SAE1: variants seen among roughly 807,000 people sequenced by gnomAD.
The protein encoded by SAE1 is SUMO-activating enzyme subunit 1.
SAE1 carries 11 observed loss-of-function variants against 40.6 expected under a neutral mutation model. The observed-to-expected ratio is 0.27, with a 90% CI of 0.17 to 0.45. The LOEUF is 0.45. Ranked by LOEUF, SAE1 falls within the 20% of genes least tolerant of loss-of-function variation. The probability of loss-of-function intolerance (pLI) is 1.00; values close to 1 mark genes in which losing one functional copy is unlikely to be tolerated. For synonymous variants in SAE1, 155 were observed against 154.3 expected (o/e 1.00, Z -0.03); for missense variants, 373 against 427.3 (o/e 0.87, Z 1.12).
chr19:47,180,245 A>G (rs1465385962), intron 6 of SAE1: 2 of 456,170 alleles, frequency 4.4e-6, no homozygotes, highest in African/African-American at 4.0e-5. Context: ...CTCACTAAAG[A>G]GAAACCAGGG....
intron 1 of SAE1, among the ~76,000 whole-genome samples, chr19:47,133,010 T>C (rs1015731667): frequency 2.0e-5 from 3 of 152,158 alleles, no homozygotes; most frequent in African/African-American, 7.2e-5. Flanking sequence ...ACATTGAGCC[T>C]CAGACTTATA....
rs751407578 is a variant in SAE1 at position 47,197,416 on chromosome 19, T to TA, written c.878+42dup. On this transcript the variant is annotated intron_variant, in intron 7 of 8. Coordinates refer to ENST00000270225, the MANE Select transcript of SAE1 (RefSeq NM_005500.3). Reference sequence around the variant, plus strand: ...TTTATCACTGTTTAGTCTGGACAGATAAAGTTTGTTTTCAGGATTTGCCTT... The same window carrying TA: ...TTTATCACTGTTTAGTCTGGACAGATAAAAGTTTGTTTTCAGGATTTGCCTT... The TA allele has an allele frequency of 7.1e-6, 11 of 1,559,268 alleles. No individual in the cohort carries two copies. In the African/African-American group the frequency reaches 1.5e-4, roughly 22 times the overall value.
chr19:47,140,574 C>G (rs2058214936), intron 1 of SAE1, among the ~76,000 whole-genome samples: 1 of 151,474 alleles, frequency 6.6e-6, no homozygotes, highest in Admixed American at 6.6e-5. Context: ...ATTGCTTGAG[C>G]CCAGGAGCTG....
rs76540167 is a variant in SAE1 at position 47,189,794 on chromosome 19, C to T, written c.734-7439C>T. 4.0e-3 allele frequency among the ~76,000 whole-genome samples: 603 copies of T among 152,256 alleles called. 6 individuals are homozygous for T. Among genetic ancestry groups the T allele is most frequent in the African/African-American group, 0.014 (569 of 41,540 alleles). ...TGACAGTGACTTTATTTTCTTCCTA[C>T]TAAAGTACTGGTTTATTCGGTGGCC... On this transcript the variant is annotated intron_variant, in intron 6 of 8. Coordinates refer to ENST00000270225, the MANE Select transcript of SAE1 (RefSeq NM_005500.3).
intron 1 of SAE1, among the ~76,000 whole-genome samples, chr19:47,134,455 G>T (rs1209422730): frequency 6.6e-6 from 1 of 152,056 alleles, no homozygotes; most frequent in African/African-American, 2.4e-5. Context: ...AGGGTTGAAG[G>T]CACCTGGAAT....
At position 47,155,134 on chromosome 19, in the gene SAE1, A is replaced by G. The variant is rs1428885530; in HGVS notation, c.548A>G (p.Lys183Arg). 3.7e-6 allele frequency: 6 copies of G among 1,613,268 alleles called. No individual in the cohort carries two copies. In the African/African-American group the frequency reaches 4.0e-5, roughly 11 times the overall value. Residue 183 changes from lysine to arginine, a missense_variant, in exon 5 of 9, where the codon AAA becomes AGA. By Grantham distance (26) the Lys-to-Arg change is conservative (BLOSUM62 2). Coordinates refer to ENST00000270225, the MANE Select transcript of SAE1 (RefSeq NM_005500.3). Reference protein sequence around the residue: ...EFVEEKTKVAKVSQGVEDGPD... With the variant: ...EFVEEKTKVARVSQGVEDGPD... ...TCTAGGGAGAAAACTAAAGTTGCCA[A>G]AGTTAGCCAAGGAGTAGAAGATGGG...
At chr19:47,131,881 A>G (rs921764815) in intron 1 of SAE1, among the ~76,000 whole-genome samples, 3 of 151,254 alleles carry the variant, frequency 2.0e-5, no homozygotes, top group African/African-American at 4.9e-5. Context: ...TTGTATTTTT[A>G]GTAGACACGG....
intron 6 of SAE1, among the ~76,000 whole-genome samples, chr19:47,181,601 C>G (rs1212944483): frequency 6.7e-6 from 1 of 149,804 alleles, no homozygotes; most frequent in Non-Finnish European, 1.5e-5. Context: ...GCCTCCCCCT[C>G]CCAGGTAGCT....
chr19:47,200,319 A>G (rs1193822970), intron 7 of SAE1, among the ~76,000 whole-genome samples: 2 of 145,140 alleles, frequency 1.4e-5, no homozygotes, highest in Non-Finnish European at 3.0e-5. Flanking sequence ...TGCAGCATCA[A>G]CCTCCTGGGC....
In SAE1 at chr19:47,166,862, G is replaced by A. The variant is rs143320735; in HGVS notation, c.628-2956G>A. ...CCATTGACCAAAAGATTTGAGGGCA[G>A]TGAAAACATCTTGTATACTATCTTT... On this transcript the variant is annotated intron_variant, in intron 5 of 8. Coordinates refer to ENST00000270225, the MANE Select transcript of SAE1 (RefSeq NM_005500.3). Among the ~76,000 whole-genome samples the A allele has an allele frequency of 6.6e-5, 10 of 152,288 alleles. No homozygotes were observed. In the East Asian group the frequency reaches 1.9e-3, roughly 29 times the overall value.
chr19:47,188,279 A>G (rs1450996223), intron 6 of SAE1, among the ~76,000 whole-genome samples: 1 of 151,952 alleles, frequency 6.6e-6, no homozygotes, highest in East Asian at 1.9e-4. Flanking sequence ...TGAGTTCAGG[A>G]GGTCCAGGCA....
At chr19:47,139,586 CTTT>C (rs71179299) in intron 1 of SAE1, among the ~76,000 whole-genome samples, 5 of 122,784 alleles carry the variant, frequency 4.1e-5, no homozygotes, top group Admixed American at 8.7e-5. Context: ...GAATGTGTAT[CTTT>C]TTTTTTTTTT....
chr19:47,130,899 G>GTT lies in SAE1; in HGVS notation c.-32_-31insTT. ...GTCCGGCGGGCGGTTGGCTTGAGCG[G>GTT]GACCGGAGCTGAGGCAGGAAGAGCC... is the stretch of plus-strand genomic sequence containing the variant. On this transcript the variant is annotated 5_prime_UTR_variant, in exon 1 of 9. Coordinates refer to ENST00000270225, the MANE Select transcript of SAE1 (RefSeq NM_005500.3). The GTT allele has an allele frequency of 1.3e-6, 2 of 1,548,384 alleles. No individual in the cohort carries two copies. Among genetic ancestry groups the GTT allele is most frequent in the Non-Finnish European group, 1.7e-6 (2 of 1,146,340 alleles).
At chr19:47,182,496 T>TGTGTGCAC (rs143321323) in intron 6 of SAE1, among the ~76,000 whole-genome samples, 5 of 145,938 alleles carry the variant, frequency 3.4e-5, no homozygotes, top group African/African-American at 1.3e-4. Flanking sequence ...TGTGTGTGTG[T>TGTGTGCAC]GCGCGCACGC....
rs887109529 is a variant in SAE1 at position 47,184,723 on chromosome 19, AT to A, written c.734-12503del. ...ACCACTGCCGGCCTCGTTCTGTCGT[AT>A]TTTTTTACGTAGGAGAGCTCAGTCT... On this transcript the variant is annotated intron_variant, in intron 6 of 8. Transcript: ENST00000270225. Among the ~76,000 whole-genome samples, 6 of 151,454 alleles carry A rather than the reference AT, an allele frequency of 4.0e-5. No individual in the cohort carries two copies. In the East Asian group the frequency reaches 1.2e-3, roughly 30 times the overall value.
At chr19:47,208,746 G>A (rs1335070015) in intron 8 of SAE1, among the ~76,000 whole-genome samples, 3 of 151,642 alleles carry the variant, frequency 2.0e-5, no homozygotes, top group East Asian at 2.0e-4. Context: ...TCATATAGAC[G>A]GGATCTCACC....
chr19:47,168,923 G>C (rs1291315828), intron 5 of SAE1, among the ~76,000 whole-genome samples: 1 of 152,166 alleles, frequency 6.6e-6, no homozygotes, highest in Non-Finnish European at 1.5e-5. Context: ...GTATTTCAAA[G>C]TAAAATATAT....
At chr19:47,150,808 TAAGAAAAGCACACCTGATCTTGATCTATG>T (rs2058283135) in intron 3 of SAE1, among the ~76,000 whole-genome samples, 1 of 152,232 alleles carries the variant, frequency 6.6e-6, no homozygotes, top group Non-Finnish European at 1.5e-5. Context: ...TGTTTTGTCT[TAAGAAAAGCACACCTGATCTTGATCTATG>T]TCTGTCTGTC....
At position 47,209,285 on chromosome 19, in the gene SAE1, G is replaced by A; in HGVS notation, c.*34G>A. The A allele has an allele frequency of 8.7e-6, 14 of 1,614,118 alleles. No homozygotes were observed. Among genetic ancestry groups the A allele is most frequent in the Non-Finnish European group, 1.2e-5 (14 of 1,180,012 alleles). On this transcript the variant is annotated 3_prime_UTR_variant, in exon 9 of 9. Transcript: ENST00000270225. The stretch of plus-strand genomic sequence containing the variant: ...TTTGGCAGCCCCAGAGATGCCAACT[G>A]CAGCATGCCCACCTGTATTCCCTGT...
Sources: gnomAD v4.1 joint callset for allele counts (sites outside exome capture counted in the v4.1 genomes callset) on GRCh38, gnomAD v4.1.1 for gene constraint, MANE v1.5 for transcripts, NCBI Gene and HGNC (gene_info 2026-07-23, HGNC 2026-07-21) for gene names.